CTSH: variants seen among roughly 807,000 people sequenced by gnomAD.
CTSH encodes the protein cathepsin H, also known as pro-cathepsin H.
In CTSH, 52 loss-of-function variants were observed where a neutral mutation model predicts 56.3. That is an observed-to-expected ratio of 0.92 (90% CI 0.74 to 1.16). CTSH has a LOEUF of 1.16. Ranked by LOEUF, CTSH falls within the 50% of genes most tolerant of loss-of-function variation. The pLI is 0.00. For missense variants in CTSH, 406 were observed against 424.5 expected (o/e 0.96, Z 0.38); for synonymous variants, 174 against 155.7 (o/e 1.12, Z -0.88).
intron 10 of CTSH, among the ~76,000 whole-genome samples, chr15:78,924,452 G>A (rs1328544489): frequency 6.6e-6 from 1 of 152,092 alleles, no homozygotes; most frequent in Non-Finnish European, 1.5e-5. Context: ...AGGGAGAGGA[G>A]AGCACAGACG....
Position 78,945,041 on chromosome 15 carries a change from T to A in CTSH, c.-60A>T, listed in dbSNP as rs540838107. 6.1e-4 allele frequency: 803 copies of A among 1,323,938 alleles called. No individual in the cohort carries two copies. Among genetic ancestry groups the A allele is most frequent in the Non-Finnish European group, 7.3e-4 (743 of 1,017,824 alleles). 82.0% of individuals were successfully genotyped at this position (1,323,938 alleles called of 1,614,324 possible). ...TCCGCGGAGGTGGCGGCCCAGAGCG[T>A]CAACTGGGAGCGCGGGGGGGGAGCG... On this transcript the variant is annotated 5_prime_UTR_variant, in exon 1 of 12. Coordinates refer to ENST00000220166, the MANE Select transcript of CTSH (RefSeq NM_004390.5).
chr15:78,935,016 G>T lies in CTSH; in HGVS notation c.367C>A (p.Arg123=), dbSNP rs1567369306. 1.2e-6 allele frequency: 2 copies of T among 1,613,870 alleles called. No homozygotes were observed. Among genetic ancestry groups the T allele is most frequent in the Non-Finnish European group, 1.7e-6 (2 of 1,179,962 alleles). The change falls in exon 5 of 12, where the codon CGG becomes AGG. Residue 123 remains arginine, a synonymous_variant. Transcript: ENST00000220166. ...TGPYPPSVDW[R]KKGNFVSPVK... is the part of the protein sequence containing the mutation. Reference sequence around the variant, plus strand: ...GGTGAGACAAAATTTCCTTTTTTCCGCCAGTCCACGGAAGGTGGGTAGGGA... The same window carrying T: ...GGTGAGACAAAATTTCCTTTTTTCCTCCAGTCCACGGAAGGTGGGTAGGGA...
At chr15:78,925,005 G>GT (rs11420234) in intron 10 of CTSH, among the ~76,000 whole-genome samples, 12,333 of 151,836 alleles carry the variant, frequency 0.081, 1,313 homozygotes, top group East Asian at 0.35. Flanking sequence ...CTGAACATGG[G>GT]TTTTTTTTAA....
At chr15:78,925,547 G>A in intron 9 of CTSH, 107 bp from the exon 10 acceptor site, 1 of 720,166 alleles carries the variant, frequency 1.4e-6, no homozygotes, top group Non-Finnish European at 2.4e-6. Flanking sequence ...AGAGCAGCAT[G>A]GATGGCCAGA....
chr15:78,935,772 C>A lies in CTSH; in HGVS notation c.230-22G>T, dbSNP rs1167340027. On this transcript the variant is annotated intron_variant, in intron 3 of 11. Coordinates refer to ENST00000220166, the MANE Select transcript of CTSH (RefSeq NM_004390.5). The stretch of plus-strand genomic sequence containing the variant: ...GCCACTACAAAAGAGAAGGAAAAAA[C>A]CAAAACAGAAATGGTTAGTGAATCA... 8 of 1,578,118 alleles carry A rather than the reference C, an allele frequency of 5.1e-6. No individual in the cohort carries two copies. In the Admixed American group the frequency reaches 6.8e-5, roughly 13 times the overall value.
chr15:78,932,510 AC>A (rs763484480), intron 5 of CTSH, 52 bp from the exon 6 acceptor site: 2 of 1,424,638 alleles, frequency 1.4e-6, no homozygotes, highest in Non-Finnish European at 2.0e-6. Context: ...ACGCCGTGAG[AC>A]AGCCCTGCCT....
chr15:78,941,525 G>A (rs1219419136), intron 1 of CTSH, among the ~76,000 whole-genome samples: 13 of 151,854 alleles, frequency 8.6e-5, no homozygotes, highest in Admixed American at 8.5e-4. Context: ...GGGCGCGGTG[G>A]CTCATGCCTG....
rs1445961975 is a variant in CTSH at position 78,921,591 on chromosome 15, C to G, written c.*539G>C. 1 of 152,550 alleles carries G rather than the reference C, an allele frequency of 6.6e-6. No homozygotes were observed. Among genetic ancestry groups the G allele is most frequent in the Non-Finnish European group, 1.5e-5 (1 of 68,358 alleles). 9.4% of individuals were successfully genotyped at this position (152,550 alleles called of 1,614,324 possible). A position where few individuals can be genotyped will look rare whatever the true frequency, so the allele number is the denominator to read the frequency against. On this transcript the variant is annotated 3_prime_UTR_variant, in exon 12 of 12. Coordinates refer to ENST00000220166, the MANE Select transcript of CTSH (RefSeq NM_004390.5). ...TCCACTCAGGTTTGGGACAAATAGTCAAGATCTCAAATTAAGCCTGCTCTT... is the reference window on the plus strand; with the variant it reads ...TCCACTCAGGTTTGGGACAAATAGTGAAGATCTCAAATTAAGCCTGCTCTT...
At chr15:78,939,964 T>A (rs2055254620) in intron 1 of CTSH, among the ~76,000 whole-genome samples, 1 of 152,204 alleles carries the variant, frequency 6.6e-6, no homozygotes, top group Non-Finnish European at 1.5e-5. Flanking sequence ...TAGTAAATAT[T>A]TCAGGCTTTG....
chr15:78,944,299 C>A (rs1379597777), intron 1 of CTSH, among the ~76,000 whole-genome samples: 1 of 152,226 alleles, frequency 6.6e-6, no homozygotes, highest in East Asian at 1.9e-4. Flanking sequence ...GGACCAGTCG[C>A]AGCCAATCTG....
rs770419158 is a variant in CTSH, at chr15:78,925,373, G to A, written c.767C>T (p.Thr256Ile). 8.7e-6 allele frequency: 14 copies of A among 1,613,814 alleles called. No individual in the cohort carries two copies. The Middle Eastern group carries it at 6.6e-4, about 76-fold the overall frequency. The change falls in exon 10 of 12, where the codon ACT becomes ATT. Residue 256 changes from threonine (T) to isoleucine (I), a missense_variant. Thr to Ile is a moderately conservative substitution (Grantham distance 89). Coordinates refer to ENST00000220166, the MANE Select transcript of CTSH (RefSeq NM_004390.5). The stretch of plus-strand genomic sequence containing the variant: ...GGTTCTATACATCATGAAGTCCTGA[G>A]TCACCTCAAAGGCAAAGCTCACAGG... ...YNPVSFAFEV[T>I]QDFMMYRTGI... is the part of the protein sequence containing the mutation.
intron 11 of CTSH, 108 bp from the exon 12 acceptor site, chr15:78,922,313 A>C (rs1450151749): frequency 2.4e-6 from 2 of 826,194 alleles, no homozygotes; most frequent in East Asian, 5.4e-5. Flanking sequence ...AGACCCTCTA[A>C]ATTTATTCAT....
Position 78,921,645 on chromosome 15 carries a change from T to TA in CTSH, c.*484dup, listed in dbSNP as rs1159029603. 6.5e-6 allele frequency: 1 copy of TA among 153,574 alleles called. No individual in the cohort carries two copies. Among genetic ancestry groups the TA allele is most frequent in the Non-Finnish European group, 1.4e-5 (1 of 69,094 alleles). 9.5% of individuals were successfully genotyped at this position (153,574 alleles called of 1,614,324 possible). A position where few individuals can be genotyped will look rare whatever the true frequency, so the allele number is the denominator to read the frequency against. ...CCTGGATACCCCATCTGGTGGATAA[T>TA]ACCGCCAGCACCCCCACCATCCTCC... is the stretch of plus-strand genomic sequence containing the variant. On this transcript the variant is annotated 3_prime_UTR_variant, in exon 12 of 12. Coordinates refer to ENST00000220166, the MANE Select transcript of CTSH (RefSeq NM_004390.5).
rs370022074 is a variant in CTSH, at chr15:78,923,022, GT to G, written c.902del (p.Asn301ThrfsTer9). 191 of 1,612,584 alleles carry G rather than the reference GT, an allele frequency of 1.2e-4. No homozygotes were observed. Among genetic ancestry groups the G allele is most frequent in the Non-Finnish European group, 1.5e-4 (179 of 1,179,540 alleles). On this transcript the variant is annotated frameshift_variant, in exon 11 of 12. Coordinates refer to ENST00000220166, the MANE Select transcript of CTSH (RefSeq NM_004390.5). LOFTEE classifies it high-confidence loss of function. ...TCATTCCCCACTGGGGACCCCAAGAGTTTTTCACGATCCAGTAAGGGATCCC... is the reference window on the plus strand; with the variant it reads ...TCATTCCCCACTGGGGACCCCAAGAGTTTTCACGATCCAGTAAGGGATCCC... ...KNGIPYWIVKNSWGPQWGMNG... is the reference protein window; with the variant it reads ...KNGIPYWIVKXSWGPQWGMNG...
chr15:78,929,112 G>C (rs2054988482), intron 8 of CTSH, among the ~76,000 whole-genome samples: 1 of 151,972 alleles, frequency 6.6e-6, no homozygotes, highest in Non-Finnish European at 1.5e-5. Flanking sequence ...AGGGAGAGGA[G>C]CCAGGAAGAT....
At chr15:78,928,748 C>T (rs1311664072) in intron 8 of CTSH, among the ~76,000 whole-genome samples, 1 of 151,900 alleles carries the variant, frequency 6.6e-6, no homozygotes, top group East Asian at 1.9e-4. Context: ...TGGATGGAGG[C>T]CCCGGTCTGA....
chr15:78,923,537 C>T (rs757117628), intron 10 of CTSH, among the ~76,000 whole-genome samples: 9 of 152,212 alleles, frequency 5.9e-5, no homozygotes, highest in Non-Finnish European at 1.2e-4. Context: ...GATCCACCCA[C>T]CTCGGCCTCC....
chr15:78,931,308 AC>A lies in CTSH; in HGVS notation c.548+142del. On this transcript the variant is annotated intron_variant, in intron 7 of 11. Transcript: ENST00000220166. Reference sequence around the variant, plus strand: ...TGAGACCTGGCCATGTGAGGTGACCACCCCTGTACAACAGAGACCATTTTGC... The same window carrying A: ...TGAGACCTGGCCATGTGAGGTGACCACCCTGTACAACAGAGACCATTTTGC... The A allele has an allele frequency of 4.0e-6, 4 of 1,010,342 alleles. No individual in the cohort carries two copies. In the South Asian group the frequency reaches 5.7e-5, roughly 14 times the overall value. 62.6% of individuals were successfully genotyped at this position (1,010,342 alleles called of 1,614,324 possible). A position where few individuals can be genotyped will look rare whatever the true frequency, so the allele number is the denominator to read the frequency against.
intron 7 of CTSH, among the ~76,000 whole-genome samples, chr15:78,930,061 G>A (rs530446573): frequency 3.3e-5 from 5 of 152,292 alleles, no homozygotes; most frequent in East Asian, 1.9e-4. Context: ...ATTCCGCACC[G>A]CCTGACCTAG....
Sources: allele counts gnomAD v4.1 joint callset (sites outside exome capture counted in the v4.1 genomes callset), GRCh38; gene constraint gnomAD v4.1.1; transcripts MANE v1.5; gene names NCBI Gene and HGNC (gene_info 2026-07-23, HGNC 2026-07-21).